Variants in CFH observed in about 807,000 individuals in gnomAD.
CFH encodes the protein H factor 1 (complement).
Under a neutral mutation model 147.3 loss-of-function variants are expected in CFH, and 53 were observed. That is an observed-to-expected ratio of 0.36 (90% CI 0.29 to 0.45). The LOEUF (loss-of-function observed/expected upper bound fraction) is 0.45, where lower values mean the gene tolerates loss of function less well. Among genes scored for constraint, CFH ranks in the 20% least tolerant of loss-of-function variants. The pLI is 1.00. For missense variants in CFH, 1,380 were observed against 1,498.0 expected (o/e 0.92, Z 1.30); for synonymous variants, 536 against 489.4 (o/e 1.10, Z -1.26).
At chr1:196,673,219 G>T in intron 2 of CFH, 56 bp downstream of exon 2, 1 of 1,424,402 alleles carries the variant, frequency 7.0e-7, no homozygotes, top group Non-Finnish European at 9.9e-7. Context: ...AAATACTTAA[G>T]ATTTAATATT....
chr1:196,725,430 A>T (rs958192725), intron 12 of CFH, 133 bp downstream of exon 12: 1 of 812,704 alleles, frequency 1.2e-6, no homozygotes, highest in African/African-American at 1.7e-5. Context: ...TGTGAAGGAC[A>T]TGTATTGAGT....
intron 15 of CFH, among the ~76,000 whole-genome samples, chr1:196,730,945 A>G (rs111647487): frequency 1.4e-3 from 214 of 151,856 alleles, no homozygotes; most frequent in African/African-American, 3.3e-3. Flanking sequence ...CCATGCCTTC[A>G]CTGCAATCTG....
chr1:196,664,997 C>T (rs1213890544), intron 1 of CFH, among the ~76,000 whole-genome samples: 1 of 151,444 alleles, frequency 6.6e-6, no homozygotes, highest in Admixed American at 6.6e-5. Context: ...ACCTAATTTT[C>T]CAGCAAAATT....
intron 15 of CFH, among the ~76,000 whole-genome samples, chr1:196,732,439 T>C (rs414539): frequency 0.67 from 102,065 of 151,802 alleles, 35,358 homozygotes; most frequent in East Asian, 0.95. Context: ...TTTTGAATTC[T>C]TTCTTGAGTA....
chr1:196,701,326 C>T (rs758778640), intron 9 of CFH: 2 of 1,613,628 alleles, frequency 1.2e-6, no homozygotes, highest in African/African-American at 1.3e-5. Context: ...AGGCTTTACC[C>T]TCTGAACTTC....
At chr1:196,685,374 T>A (rs1558159792) in intron 7 of CFH, 137 bp downstream of exon 7, 1 of 931,558 alleles carries the variant, frequency 1.1e-6, no homozygotes, top group East Asian at 2.6e-5. Context: ...ATTCTTTAGT[T>A]TTCGAAGTTG....
At chr1:196,714,592 G>A (rs1186448017) in intron 10 of CFH, among the ~76,000 whole-genome samples, 1 of 89,202 alleles carries the variant, frequency 1.1e-5, no homozygotes, top group Non-Finnish European at 2.1e-5. Flanking sequence ...AAACCACTCA[G>A]TAATATGTGT....
At chr1:196,658,407 A>ATTTTTTTTTTTTTTTTTTGTTTTTTT in intron 1 of CFH, among the ~76,000 whole-genome samples, 1 of 92,276 alleles carries the variant, frequency 1.1e-5, no homozygotes, top group Admixed American at 1.3e-4. Context: ...TGCTCAGGTA[A>ATTTTTTTTTTTTTTTTTTGTTTTTTT]TTTTTTTTTT....
chr1:196,726,348 G>A (rs1028659880), intron 12 of CFH, 122 bp from the exon 13 acceptor site: 3 of 745,170 alleles, frequency 4.0e-6, no homozygotes, highest in African/African-American at 3.5e-5. Context: ...TGTTTAGGAT[G>A]CTATAATAAG....
At chr1:196,716,624 T>C (rs1437722751) in intron 11 of CFH, among the ~76,000 whole-genome samples, 2 of 151,370 alleles carry the variant, frequency 1.3e-5, no homozygotes, top group Non-Finnish European at 2.9e-5. Flanking sequence ...ATAGGGGAGG[T>C]GCAGAGCAGA....
Position 196,728,515 on chromosome 1 carries a change from C to T in CFH, c.2406C>T (p.Asn802=), listed in dbSNP as rs779307041. 1 of 1,612,480 alleles carries T rather than the reference C, an allele frequency of 6.2e-7. No homozygotes were observed. The highest frequency in any genetic ancestry group is 8.5e-7 in the Non-Finnish European group (1 of 1,178,880). The change falls in exon 15 of 22, where the codon AAC becomes AAT. Residue 802 remains asparagine (N), a synonymous_variant. Transcript: ENST00000367429. ...ATGGAAGATGGGATCCAGAAGTGAA[C>T]TGCTCAAGTAAGCTCTTATTTTGTT... ...CINGRWDPEV[N]CSMAQIQLCP...
chr1:196,695,111 G>GT (rs1257859862), intron 9 of CFH, among the ~76,000 whole-genome samples: 17 of 152,076 alleles, frequency 1.1e-4, no homozygotes, highest in African/African-American at 3.9e-4. Flanking sequence ...TACTGCCTAG[G>GT]TTTTTTTCTA....
At chr1:196,654,259 C>A (rs1666605666) in intron 1 of CFH, among the ~76,000 whole-genome samples, 1 of 151,960 alleles carries the variant, frequency 6.6e-6, no homozygotes, top group Admixed American at 6.6e-5. Context: ...AGTGAACTTT[C>A]TTCAAAAAAA....
At position 196,685,157 on chromosome 1, in the gene CFH, G is replaced by T. The variant is rs756719477; in HGVS notation, c.884G>T (p.Arg295Ile). 1 of 1,613,044 alleles carries T rather than the reference G, an allele frequency of 6.2e-7. No individual in the cohort carries two copies. The highest frequency in any genetic ancestry group is 8.5e-7 in the Non-Finnish European group (1 of 1,179,354). Reference sequence around the variant, plus strand: ...GGAGATGAAATCACGTACCAGTGTAGAAATGGTTTTTATCCTGCAACCCGG... The same window carrying T: ...GGAGATGAAATCACGTACCAGTGTATAAATGGTTTTTATCCTGCAACCCGG... ...RTGDEITYQC[R>I]NGFYPATRGN... Residue 295 changes from arginine (R) to isoleucine (I), a missense_variant, in exon 7 of 22, where the codon AGA (arginine) becomes ATA (isoleucine). Coordinates refer to ENST00000367429, the MANE Select transcript of CFH (RefSeq NM_000186.4).
intron 11 of CFH, among the ~76,000 whole-genome samples, chr1:196,724,819 A>G (rs1365055748): frequency 1.3e-5 from 2 of 152,162 alleles, no homozygotes; most frequent in African/African-American, 4.8e-5. Flanking sequence ...TTTGAGTAAA[A>G]AAAGTAATAT....
chr1:196,709,035 T>G (rs1301760117), intron 9 of CFH, among the ~76,000 whole-genome samples: 1 of 152,190 alleles, frequency 6.6e-6, no homozygotes, highest in Non-Finnish European at 1.5e-5. Flanking sequence ...GAACTACACT[T>G]GATTTTCTCT....
At chr1:196,679,502 C>A in intron 5 of CFH, 121 bp from the exon 6 acceptor site, 2 of 700,666 alleles carry the variant, frequency 2.9e-6, no homozygotes, top group South Asian at 1.9e-5. Context: ...CAAAACAGAA[C>A]TTTTGTTTGG....
At chr1:196,662,829 T>TA (rs1188166290) in intron 1 of CFH, among the ~76,000 whole-genome samples, 1 of 152,020 alleles carries the variant, frequency 6.6e-6, no homozygotes, top group Admixed American at 6.6e-5. Flanking sequence ...CGCAGCGAGC[T>TA]AAAATCACAC....
At chr1:196,677,928 G>A (rs561521731) in intron 5 of CFH, 1 of 432,018 alleles carries the variant, frequency 2.3e-6, no homozygotes, top group South Asian at 2.1e-5. Context: ...ACATGCCCTG[G>A]ATTATCATGG....
Sources: gnomAD v4.1 joint callset for allele counts (sites outside exome capture counted in the v4.1 genomes callset) on GRCh38, gnomAD v4.1.1 for gene constraint, MANE v1.5 for transcripts, NCBI Gene and HGNC (gene_info 2026-07-23, HGNC 2026-07-21) for gene names.